COL24A1: variants seen among roughly 807,000 people sequenced by gnomAD.
The protein encoded by COL24A1 is collagen alpha-1(XXIV) chain.
COL24A1 carries 224 observed loss-of-function variants against 253.9 expected under a neutral mutation model. That is an observed-to-expected ratio of 0.88 (90% CI 0.79 to 0.99). COL24A1 has a LOEUF of 0.99. COL24A1 is among the 50% of genes least tolerant of loss of function. The probability of loss-of-function intolerance (pLI) is 0.00; values close to 1 mark genes in which losing one functional copy is unlikely to be tolerated. For missense variants in COL24A1, 2,131 were observed against 2,068.5 expected, an observed-to-expected ratio of 1.03 and a Z score of -0.59; for synonymous variants, 685 against 673.7, an observed-to-expected ratio of 1.02 and a Z score of -0.26.
Position 85,841,281 on chromosome 1 carries a change from A to G in COL24A1, c.3571-3T>C. The G allele has an allele frequency of 6.3e-7, 1 of 1,589,364 alleles. No homozygotes were observed. Among genetic ancestry groups the G allele is most frequent in the South Asian group, 1.1e-5 (1 of 86,994 alleles). ...GTGCTATCTTCTCCTGGGTAGCCCT[A>G]AAATGAAATAATGATTTATAAACAA... On this transcript the variant is annotated splice_region_variant and splice_polypyrimidine_tract_variant and intron_variant, in intron 41 of 59. Transcript: ENST00000370571.
intron 4 of COL24A1, among the ~76,000 whole-genome samples, chr1:86,113,837 CAAAAAAAAAAA>C (rs36014881): frequency 9.7e-5 from 7 of 72,432 alleles, no homozygotes; most frequent in African/African-American, 3.8e-4. Context: ...TCCTGTCTCA[CAAAAAAAAAAA>C]AAAAAAAAAA....
chr1:85,827,262 C>T (rs1486150801), intron 43 of COL24A1, among the ~76,000 whole-genome samples: 2 of 151,530 alleles, frequency 1.3e-5, no homozygotes, highest in African/African-American at 2.4e-5. Flanking sequence ...AGCCTTGCAT[C>T]CCAGGGATGA....
intron 7 of COL24A1, among the ~76,000 whole-genome samples, chr1:86,076,661 C>CA (rs1702273399): frequency 6.6e-6 from 1 of 152,104 alleles, no homozygotes; most frequent in Non-Finnish European, 1.5e-5. Context: ...CTACAGTAAC[C>CA]AAAACAGAGG....
intron 7 of COL24A1, among the ~76,000 whole-genome samples, chr1:86,078,762 T>G (rs1227708358): frequency 6.6e-6 from 1 of 152,024 alleles, no homozygotes; most frequent in African/African-American, 2.4e-5. Context: ...GTAAAAGATC[T>G]CTATAATAAA....
chr1:85,813,009 G>T lies in COL24A1; in HGVS notation c.3951+3779C>A, dbSNP rs140020963. On this transcript the variant is annotated intron_variant, in intron 47 of 59. Coordinates refer to ENST00000370571, the MANE Select transcript of COL24A1 (RefSeq NM_152890.7). ...AGATACCTATTCTAGACATAGATTTGCTATTCTACCAAAAGTTCTTCTGGT... is the reference window on the plus strand; with the variant it reads ...AGATACCTATTCTAGACATAGATTTTCTATTCTACCAAAAGTTCTTCTGGT... Among the ~76,000 whole-genome samples, 155 of 152,196 alleles carry T rather than the reference G, an allele frequency of 1.0e-3. 1 individual carries two copies. Among genetic ancestry groups the T allele is most frequent in the East Asian group, 4.4e-3 (23 of 5,184 alleles).
chr1:85,981,432 T>C (rs755570210), intron 20 of COL24A1, among the ~76,000 whole-genome samples: 11 of 152,160 alleles, frequency 7.2e-5, no homozygotes, highest in African/African-American at 1.2e-4. Context: ...CTGGGATAAC[T>C]GCAAGCCACA....
chr1:86,029,346 G>A (rs1698339755), intron 14 of COL24A1, among the ~76,000 whole-genome samples: 1 of 152,206 alleles, frequency 6.6e-6, no homozygotes, highest in Non-Finnish European at 1.5e-5. Context: ...GTTGGTCTGA[G>A]AATGGAATGA....
intron 23 of COL24A1, among the ~76,000 whole-genome samples, chr1:85,964,798 G>T (rs954575917): frequency 6.6e-6 from 1 of 151,986 alleles, no homozygotes; most frequent in South Asian, 2.1e-4. Context: ...AAACACTTCT[G>T]GTCCCATGCA....
At chr1:85,990,010 TG>T (rs1401020926) in intron 19 of COL24A1, among the ~76,000 whole-genome samples, 1 of 152,246 alleles carries the variant, frequency 6.6e-6, no homozygotes, top group Non-Finnish European at 1.5e-5. Flanking sequence ...TGCAGTTTTA[TG>T]TTATTCACTT....
chr1:85,801,176 G>A (rs1570672810), intron 47 of COL24A1, among the ~76,000 whole-genome samples: 1 of 152,108 alleles, frequency 6.6e-6, no homozygotes, highest in Non-Finnish European at 1.5e-5. Flanking sequence ...ACTGTTAAAT[G>A]TTAGAGTTCC....
Position 86,022,590 on chromosome 1 carries a change from C to T in COL24A1, c.2150G>A (p.Gly717Asp), listed in dbSNP as rs1483401535. Residue 717 changes from glycine to aspartate, a missense_variant and splice_region_variant, in exon 17 of 60, where the codon GGT becomes GAT. Gly to Asp is a moderately conservative substitution (Grantham distance 94). Coordinates refer to ENST00000370571, the MANE Select transcript of COL24A1 (RefSeq NM_152890.7). The part of the protein sequence containing the change: ...KGLPGIKGDK[G>D]EQGTAGELGE... ...TAGCTCTCCTGCTGTGCCTTGTTCA[C>T]CCTGGAAAGCACAATTTCATGCAAA... 1 of 1,611,576 alleles carries T rather than the reference C, an allele frequency of 6.2e-7. No individual in the cohort carries two copies. The highest frequency in any genetic ancestry group is 1.3e-5 in the African/African-American group (1 of 74,894).
In COL24A1 at chr1:86,129,906, T is replaced by A. The variant is rs1385526356; in HGVS notation, c.122-3692A>T. ...TGTACCTCATTGTTTATGTTATTTA[T>A]ATCCTCTATATTCTTGTTTATTTTT... On this transcript the variant is annotated intron_variant, in intron 2 of 59. Transcript: ENST00000370571. Among the ~76,000 whole-genome samples, 3 of 151,842 alleles carry A rather than the reference T, an allele frequency of 2.0e-5. No homozygotes were observed. The East Asian group carries it at 5.8e-4, about 29-fold the overall frequency.
chr1:86,113,037 T>C (rs1705767465), intron 4 of COL24A1, among the ~76,000 whole-genome samples: 1 of 152,206 alleles, frequency 6.6e-6, no homozygotes, highest in Non-Finnish European at 1.5e-5. Flanking sequence ...GAAAAGAGAC[T>C]CTTAAAAATA....
At chr1:85,825,559 A>C (rs1301744210) in intron 43 of COL24A1, among the ~76,000 whole-genome samples, 1 of 151,460 alleles carries the variant, frequency 6.6e-6, no homozygotes, top group East Asian at 1.9e-4. Context: ...AAGTGTTCCT[A>C]TTTCTCCACA....
chr1:85,878,715 T>A lies in COL24A1; in HGVS notation c.2977-1540A>T, dbSNP rs370280693. On this transcript the variant is annotated intron_variant, in intron 32 of 59. Transcript: ENST00000370571. ...ATTCTCACCAGCAATGAATGAGAGC[T>A]CCTGTTGCTCCACATCCTTGCCAAC... Among the ~76,000 whole-genome samples the A allele has an allele frequency of 2.5e-4, 38 of 152,164 alleles. 1 individual carries two copies. Among genetic ancestry groups the A allele is most frequent in the East Asian group, 1.2e-3 (6 of 5,196 alleles).
intron 39 of COL24A1, among the ~76,000 whole-genome samples, chr1:85,843,280 T>G (rs983665751): frequency 2.6e-5 from 4 of 152,214 alleles, no homozygotes; most frequent in Non-Finnish European, 5.9e-5. Context: ...TTGCAACTAT[T>G]AACCATTGAT....
intron 10 of COL24A1, among the ~76,000 whole-genome samples, chr1:86,054,538 A>C (rs1327503079): frequency 6.6e-6 from 1 of 152,136 alleles, no homozygotes; most frequent in Admixed American, 6.6e-5. Flanking sequence ...CCAAAACATG[A>C]AAAAATGCTC....
chr1:86,132,153 T>G (rs1649337416), intron 2 of COL24A1, among the ~76,000 whole-genome samples: 1 of 152,240 alleles, frequency 6.6e-6, no homozygotes, highest in African/African-American at 2.4e-5. Context: ...GTTGGCTGCA[T>G]AAATGTCTTA....
intron 31 of COL24A1, among the ~76,000 whole-genome samples, chr1:85,890,004 T>C (rs7524143): frequency 1.1e-4 from 17 of 152,268 alleles, no homozygotes; most frequent in African/African-American, 4.1e-4. Flanking sequence ...GATCATACAA[T>C]ATCTGTCTTT....
Sources: allele counts gnomAD v4.1 joint callset (sites outside exome capture counted in the v4.1 genomes callset), GRCh38; gene constraint gnomAD v4.1.1; transcripts MANE v1.5; gene names NCBI Gene and HGNC (gene_info 2026-07-23, HGNC 2026-07-21).